The following ADAM2 variants were observed in gnomAD, a reference collection of about 807,000 sequenced individuals.
ADAM2 encodes ADAM metallopeptidase domain 2, also known as disintegrin and metalloproteinase domain-containing protein 2.
In ADAM2, 101 loss-of-function variants were observed where a neutral mutation model predicts 99.3. The observed-to-expected ratio is 1.02, with a 90% CI of 0.87 to 1.20. The LOEUF is 1.20. ADAM2 is among the 50% of genes most tolerant of loss of function. ADAM2 has a pLI of 0.00. For missense variants in ADAM2, 948 were observed against 878.7 expected, an observed-to-expected ratio of 1.08 and a Z score of -1.00; for synonymous variants, 323 against 287.6, an observed-to-expected ratio of 1.12 and a Z score of -1.25.
At chr8:39,784,928 C>T (rs1383492224) in intron 10 of ADAM2, among the ~76,000 whole-genome samples, 1 of 152,054 alleles carries the variant, frequency 6.6e-6, no homozygotes, top group Non-Finnish European at 1.5e-5. Flanking sequence ...AATTGTTTCA[C>T]CACCTTATAG....
chr8:39,745,598 A>G (rs989583097), intron 19 of ADAM2, among the ~76,000 whole-genome samples: 1 of 151,946 alleles, frequency 6.6e-6, no homozygotes, highest in South Asian at 2.1e-4. Flanking sequence ...TTTGTTTTAT[A>G]TTTTCTGTAG....
At chr8:39,833,284 A>G (rs1293753554) in intron 3 of ADAM2, among the ~76,000 whole-genome samples, 1 of 152,054 alleles carries the variant, frequency 6.6e-6, no homozygotes, top group East Asian at 1.9e-4. Context: ...TGATGTATAA[A>G]AAGAGTGCAG....
chr8:39,747,968 A>C (rs1446624952), intron 18 of ADAM2, among the ~76,000 whole-genome samples: 1 of 152,172 alleles, frequency 6.6e-6, no homozygotes, highest in African/African-American at 2.4e-5. Flanking sequence ...ATTACACAAC[A>C]TATTGGGAGC....
intron 15 of ADAM2, among the ~76,000 whole-genome samples, chr8:39,760,055 C>A (rs7017718): frequency 0.52 from 78,034 of 151,464 alleles, 20,528 homozygotes; most frequent in South Asian, 0.69. Context: ...TTAGTAGAGA[C>A]GGGGATTCAC....
At chr8:39,811,818 G>A (rs1386507582) in intron 6 of ADAM2, among the ~76,000 whole-genome samples, 4 of 152,124 alleles carry the variant, frequency 2.6e-5, no homozygotes, top group Non-Finnish European at 4.4e-5. Context: ...CACAGCCAAT[G>A]TCATACTGAA....
intron 15 of ADAM2, among the ~76,000 whole-genome samples, chr8:39,759,750 T>A (rs1802279167): frequency 1.3e-5 from 2 of 152,214 alleles, no homozygotes; most frequent in South Asian, 4.1e-4. Context: ...TTCCTTGCAC[T>A]ATTCACGAAA....
intron 13 of ADAM2, 51 bp downstream of exon 13, chr8:39,767,102 A>C: frequency 6.3e-7 from 1 of 1,598,190 alleles, no homozygotes; most frequent in Non-Finnish European, 8.6e-7. Flanking sequence ...TAAGCATAAT[A>C]ATGATAACTA....
chr8:39,769,845 A>G (rs1802709768), intron 11 of ADAM2, among the ~76,000 whole-genome samples: 1 of 152,164 alleles, frequency 6.6e-6, no homozygotes, highest in African/African-American at 2.4e-5. Context: ...TATTTTCCAA[A>G]GTGCCCCATG....
At chr8:39,793,442 G>A (rs1388232881) in intron 7 of ADAM2, among the ~76,000 whole-genome samples, 1 of 152,144 alleles carries the variant, frequency 6.6e-6, no homozygotes, top group African/African-American at 2.4e-5. Context: ...ATTAAAGGGT[G>A]TTAAGCAAGT....
At chr8:39,804,382 C>T (rs74569057) in intron 7 of ADAM2, among the ~76,000 whole-genome samples, 5,943 of 151,438 alleles carry the variant, frequency 0.039, 384 homozygotes, top group African/African-American at 0.14. Context: ...AATGGAAGAA[C>T]TGAGTACATG....
intron 6 of ADAM2, among the ~76,000 whole-genome samples, chr8:39,819,871 A>T (rs1805106626): frequency 6.6e-6 from 1 of 152,048 alleles, no homozygotes; most frequent in Admixed American, 6.6e-5. Flanking sequence ...TTGGTTTTCT[A>T]TTCTCTGGAG....
chr8:39,784,423 C>T (rs1803369438), intron 10 of ADAM2, among the ~76,000 whole-genome samples: 1 of 152,108 alleles, frequency 6.6e-6, no homozygotes, highest in African/African-American at 2.4e-5. Flanking sequence ...CTCTGTTGCC[C>T]AGGCTGGAGT....
chr8:39,791,296 A>G (rs188708007), intron 7 of ADAM2, among the ~76,000 whole-genome samples: 15 of 152,124 alleles, frequency 9.9e-5, no homozygotes, highest in Admixed American at 9.8e-4. Flanking sequence ...TAACCCATAT[A>G]AAGAATGTAG....
chr8:39,824,291 A>G (rs973239699), intron 4 of ADAM2, among the ~76,000 whole-genome samples: 1 of 151,834 alleles, frequency 6.6e-6, no homozygotes, highest in African/African-American at 2.4e-5. Flanking sequence ...AAAAAAAAAA[A>G]AAAGAACACT....
intron 7 of ADAM2, among the ~76,000 whole-genome samples, chr8:39,808,244 T>C (rs1308689442): frequency 6.6e-6 from 1 of 151,478 alleles, no homozygotes; most frequent in Non-Finnish European, 1.5e-5. Flanking sequence ...TAAACATTTT[T>C]TGCAAAAATC....
intron 7 of ADAM2, among the ~76,000 whole-genome samples, chr8:39,791,997 C>A (rs1215070911): frequency 1.3e-5 from 2 of 151,898 alleles, no homozygotes; most frequent in Non-Finnish European, 2.9e-5. Context: ...AGTGCACTTG[C>A]CACTTGCCAG....
Position 39,809,415 on chromosome 8 carries a change from GT to G in ADAM2, c.564del (p.Lys188AsnfsTer21). The G allele has an allele frequency of 1.5e-6, 2 of 1,299,808 alleles. No homozygotes were observed. Among genetic ancestry groups the G allele is most frequent in the Non-Finnish European group, 2.2e-6 (2 of 909,966 alleles). The allele number at this position is 1,299,808 out of a possible 1,614,324, so 80.5% of individuals were successfully genotyped here. ...ATAAATCAGAATATACTTACCAATT[GT>G]TTTTCAACTATAACATGCATTTCTA... ...KYIEMHVIVE[K>X]QLYNHMGSDT... On this transcript the variant is annotated frameshift_variant, in exon 7 of 21. Coordinates refer to ENST00000265708, the MANE Select transcript of ADAM2 (RefSeq NM_001464.5). LOFTEE classifies it high-confidence loss of function.
intron 15 of ADAM2, among the ~76,000 whole-genome samples, chr8:39,759,100 T>C (rs1802258880): frequency 6.6e-6 from 1 of 152,048 alleles, no homozygotes; most frequent in South Asian, 2.1e-4. Flanking sequence ...AAATTACATA[T>C]TAAACCCAAA....
intron 19 of ADAM2, 130 bp from the exon 20 acceptor site, chr8:39,745,023 T>C (rs551045773): frequency 1.5e-6 from 1 of 648,600 alleles, no homozygotes; most frequent in Non-Finnish European, 2.6e-6. Flanking sequence ...TATTTGAGAA[T>C]ACCCTATCAC....
Sources: allele counts gnomAD v4.1 joint callset (sites outside exome capture counted in the v4.1 genomes callset), GRCh38; gene constraint gnomAD v4.1.1; transcripts MANE v1.5; gene names NCBI Gene and HGNC (gene_info 2026-07-23, HGNC 2026-07-21).